Variants in LRRTM4 observed in about 807,000 individuals in gnomAD.
LRRTM4 encodes the protein leucine-rich repeat transmembrane neuronal protein 4.
A neutral mutation model predicts 47.6 loss-of-function variants in LRRTM4; 25 were observed. The ratio of observed to expected loss-of-function variants is 0.53; its 90% CI spans 0.38 to 0.73. LRRTM4 has a LOEUF of 0.73. Ranked by LOEUF, LRRTM4 falls within the 30% of genes least tolerant of loss-of-function variation. LRRTM4 has a pLI of 0.00. For synonymous variants in LRRTM4, 311 were observed against 269.5 expected (o/e 1.15, Z -1.51); for missense variants, 638 against 713.4 (o/e 0.89, Z 1.20).
At chr2:76,812,580 G>A (rs1391176704) in intron 3 of LRRTM4, among the ~76,000 whole-genome samples, 1 of 152,088 alleles carries the variant, frequency 6.6e-6, no homozygotes, top group African/African-American at 2.4e-5. Flanking sequence ...ATTACCAAGA[G>A]ACACTTAATT....
intron 3 of LRRTM4, among the ~76,000 whole-genome samples, chr2:77,271,848 G>A (rs73943811): frequency 0.025 from 3,857 of 152,028 alleles, 86 homozygotes; most frequent in African/African-American, 0.058. Flanking sequence ...TATTTCCTAC[G>A]AAAATATGCC....
chr2:76,783,909 A>G (rs1424922773), intron 3 of LRRTM4, among the ~76,000 whole-genome samples: 1 of 152,196 alleles, frequency 6.6e-6, no homozygotes, highest in Non-Finnish European at 1.5e-5. Context: ...AATACTCATA[A>G]TAAAACTGCT....
At chr2:76,832,065 C>T (rs1671368078) in intron 3 of LRRTM4, among the ~76,000 whole-genome samples, 2 of 151,990 alleles carry the variant, frequency 1.3e-5, no homozygotes, top group East Asian at 3.9e-4. Context: ...GAGTTTTTTC[C>T]ATGTAAAGTA....
At chr2:76,985,294 A>G (rs951581385) in intron 3 of LRRTM4, among the ~76,000 whole-genome samples, 2 of 152,050 alleles carry the variant, frequency 1.3e-5, no homozygotes, top group African/African-American at 4.8e-5. Context: ...TGTGAATTAA[A>G]TGGTGGGGGA....
chr2:77,098,294 G>A (rs1670864208), intron 3 of LRRTM4, among the ~76,000 whole-genome samples: 1 of 151,982 alleles, frequency 6.6e-6, no homozygotes, highest in African/African-American at 2.4e-5. Flanking sequence ...ATGTGGTATT[G>A]ACATAAATAT....
intron 3 of LRRTM4, among the ~76,000 whole-genome samples, chr2:76,981,785 C>T (rs1676617160): frequency 6.6e-6 from 1 of 152,014 alleles, no homozygotes; most frequent in South Asian, 2.1e-4. Context: ...AGCCACAGCA[C>T]CAGGCCAGCA....
chr2:77,380,517 C>A (rs1260532048), intron 3 of LRRTM4, among the ~76,000 whole-genome samples: 1 of 152,016 alleles, frequency 6.6e-6, no homozygotes, highest in Non-Finnish European at 1.5e-5. Flanking sequence ...TTATGGTAGG[C>A]CAGGTGTGGT....
intron 3 of LRRTM4, among the ~76,000 whole-genome samples, chr2:77,210,463 T>C (rs558924479): frequency 8.9e-4 from 135 of 152,288 alleles, no homozygotes; most frequent in African/African-American, 3.1e-3. Context: ...AAAACAAAAA[T>C]TTTGTATACA....
intron 3 of LRRTM4, among the ~76,000 whole-genome samples, chr2:76,912,731 A>G (rs1429055936): frequency 3.3e-5 from 5 of 152,266 alleles, no homozygotes; most frequent in African/African-American, 1.2e-4. Flanking sequence ...ATGGTTTAAC[A>G]CCATCTCCCC....
At chr2:76,813,948 A>G (rs147285749) in intron 3 of LRRTM4, among the ~76,000 whole-genome samples, 1 of 152,082 alleles carries the variant, frequency 6.6e-6, no homozygotes, top group East Asian at 1.9e-4. Context: ...GTCTTTATCT[A>G]ATTTTATTTT....
intron 3 of LRRTM4, among the ~76,000 whole-genome samples, chr2:77,285,288 A>C (rs2104110714): frequency 7.0e-6 from 1 of 141,872 alleles, no homozygotes; most frequent in Admixed American, 7.5e-5. Flanking sequence ...AAGTTTAAAT[A>C]ATTGTTGAGT....
intron 3 of LRRTM4, among the ~76,000 whole-genome samples, chr2:77,188,422 A>C (rs1673572756): frequency 6.6e-6 from 1 of 152,166 alleles, no homozygotes; most frequent in African/African-American, 2.4e-5. Flanking sequence ...TAGTTTCATT[A>C]ATGAAACATA....
intron 3 of LRRTM4, among the ~76,000 whole-genome samples, chr2:76,855,202 T>G (rs574629369): frequency 6.6e-6 from 1 of 152,154 alleles, no homozygotes; most frequent in African/African-American, 2.4e-5. Flanking sequence ...GAAAGGTAAC[T>G]GGCACAAGAT....
chr2:77,058,213 C>T (rs984207921), intron 3 of LRRTM4, among the ~76,000 whole-genome samples: 2 of 152,130 alleles, frequency 1.3e-5, no homozygotes, highest in Non-Finnish European at 2.9e-5. Context: ...TCATAGGTCA[C>T]AAATCAGAGG....
intron 3 of LRRTM4, among the ~76,000 whole-genome samples, chr2:76,873,734 ACTT>A (rs902793410): frequency 1.3e-5 from 2 of 151,494 alleles, no homozygotes; most frequent in Admixed American, 1.3e-4. Context: ...TTAAGCATCA[ACTT>A]CTACTGCTTG....
In LRRTM4 at chr2:77,430,512, G is replaced by C. The variant is rs543928385; in HGVS notation, c.1551+87806C>G. On this transcript the variant is annotated intron_variant, in intron 3 of 3. Coordinates refer to ENST00000409884, the MANE Select transcript of LRRTM4 (RefSeq NM_001134745.3). The stretch of plus-strand genomic sequence containing the variant: ...CGAGGCGGGAGGATCACCTGACATC[G>C]GGAGTTCGAGACCAGCCTGACCAAC... Among the ~76,000 whole-genome samples the C allele has an allele frequency of 2.0e-5, 3 of 151,856 alleles. No homozygotes were observed. The East Asian group carries it at 5.8e-4, about 30-fold the overall frequency.
At chr2:76,942,836 A>T (rs7604637) in intron 3 of LRRTM4, among the ~76,000 whole-genome samples, 37,113 of 152,038 alleles carry the variant, frequency 0.24, 5,361 homozygotes, top group East Asian at 0.55. Context: ...ATGGCTTCTA[A>T]TTCCAAAATG....
chr2:77,236,981 T>G (rs1675119311), intron 3 of LRRTM4, among the ~76,000 whole-genome samples: 1 of 152,074 alleles, frequency 6.6e-6, no homozygotes. Context: ...GGCCTGTGGT[T>G]TTCTTTGTTT....
At chr2:77,490,278 G>C (rs1306478702) in intron 3 of LRRTM4, among the ~76,000 whole-genome samples, 1 of 151,774 alleles carries the variant, frequency 6.6e-6, no homozygotes, top group African/African-American at 2.4e-5. Context: ...CAAAAAAATT[G>C]AAGACTGAGT....
Sources: allele counts gnomAD v4.1 joint callset (sites outside exome capture counted in the v4.1 genomes callset), GRCh38; gene constraint gnomAD v4.1.1; transcripts MANE v1.5; gene names NCBI Gene and HGNC (gene_info 2026-07-23, HGNC 2026-07-21).